Variants in FMO5 observed in about 807,000 individuals in gnomAD.
FMO5 encodes the protein flavin containing dimethylaniline monoxygenase 5.
Under a neutral mutation model 43.6 loss-of-function variants are expected in FMO5, and 51 were observed. That is an observed-to-expected ratio of 1.17 (90% CI 0.93 to 1.48). The LOEUF (loss-of-function observed/expected upper bound fraction) is 1.48. Ranked by LOEUF, FMO5 falls within the 40% of genes most tolerant of loss-of-function variation. The pLI is 0.00. For missense variants in FMO5, 644 were observed against 643.0 expected, an observed-to-expected ratio of 1.00 and a Z score of -0.02; for synonymous variants, 187 against 216.5, an observed-to-expected ratio of 0.86 and a Z score of 1.20.
chr1:147,211,919 C>T (rs1265558271), intron 5 of FMO5, among the ~76,000 whole-genome samples: 2 of 152,086 alleles, frequency 1.3e-5, no homozygotes, highest in Non-Finnish European at 2.9e-5. Context: ...TACTTTTTTC[C>T]ATTTGGGGAG....
Position 147,201,205 on chromosome 1 carries a change from G to C in FMO5, c.1130C>G (p.Ala377Gly). ...TTGGAGCTCTGAAATGGGCATAATG[G>C]CTCCTAAGGGCTGAATCAAGCCTAT... The part of the protein sequence containing the change: ...AIIGLIQPLG[A>G]IMPISELQGR... The change falls in exon 7 of 9, where the codon GCC (alanine) becomes GGC (glycine). Residue 377 changes from alanine (A) to glycine (G), a missense_variant. Ala to Gly is a moderately conservative substitution (Grantham distance 60). Coordinates refer to ENST00000254090, the MANE Select transcript of FMO5 (RefSeq NM_001461.4). 1 of 1,614,134 alleles carries C rather than the reference G, an allele frequency of 6.2e-7. No homozygotes were observed. The highest frequency in any genetic ancestry group is 1.1e-5 in the South Asian group (1 of 91,086).
At position 147,208,880 on chromosome 1, in the gene FMO5, C is replaced by A. The variant is rs140667185; in HGVS notation, c.802G>T (p.Glu268Ter). The change falls in exon 6 of 9, where the codon GAA (glutamate) becomes TAA (stop). Residue 268 changes from glutamate to a stop codon, truncating the protein, a stop_gained. Coordinates refer to ENST00000254090, the MANE Select transcript of FMO5 (RefSeq NM_001461.4). LOFTEE classifies it high-confidence loss of function. Reference protein sequence around the residue: ...EKKINQRFDHEMFGLKPKHRA... With the variant: ...EKKINQRFDH ...TGTTTAGGCTTCAGGCCAAACATTT[C>A]ATGGTCAAACCTTTGGTTTATCTTT... The A allele has an allele frequency of 1.4e-5, 22 of 1,613,984 alleles. No homozygotes were observed. Among genetic ancestry groups the A allele is most frequent in the Non-Finnish European group, 1.8e-5 (21 of 1,179,958 alleles).
intron 2 of FMO5, among the ~76,000 whole-genome samples, chr1:147,222,230 C>T (rs1478298168): frequency 1.3e-5 from 2 of 152,174 alleles, no homozygotes; most frequent in East Asian, 1.9e-4. Flanking sequence ...ATTAGCAAGG[C>T]GTAGTAGTGC....
At chr1:147,220,956 A>AC (rs1662904455) in intron 2 of FMO5, among the ~76,000 whole-genome samples, 1 of 151,830 alleles carries the variant, frequency 6.6e-6, no homozygotes, top group South Asian at 2.1e-4. Context: ...AAAAAAAAAA[A>AC]AAACAGTGGG....
At chr1:147,199,653 T>C (rs992863206) in intron 7 of FMO5, among the ~76,000 whole-genome samples, 2 of 152,218 alleles carry the variant, frequency 1.3e-5, no homozygotes, top group Non-Finnish European at 2.9e-5. Context: ...GCTTATGTAA[T>C]TGACCCAATT....
chr1:147,204,968 A>G, intron 6 of FMO5: 1 of 1,277,762 alleles, frequency 7.8e-7, no homozygotes, highest in Non-Finnish European at 1.1e-6. Context: ...GTGACCGCTC[A>G]GAAGACCGCG....
At chr1:147,202,728 AG>A (rs1659253489) in intron 6 of FMO5, among the ~76,000 whole-genome samples, 1 of 152,184 alleles carries the variant, frequency 6.6e-6, no homozygotes, top group Admixed American at 6.5e-5. Flanking sequence ...TGTTGCATTT[AG>A]TTATGCTTTG....
intron 2 of FMO5, among the ~76,000 whole-genome samples, chr1:147,219,856 T>TTTTTTTG (rs1571410811): frequency 6.6e-6 from 1 of 150,446 alleles, no homozygotes; most frequent in East Asian, 1.9e-4. Flanking sequence ...TTTTTTTTTT[T>TTTTTTTG]GAGACAGAGT....
At chr1:147,214,108 A>T (rs1277598290) in intron 3 of FMO5, among the ~76,000 whole-genome samples, 3 of 152,190 alleles carry the variant, frequency 2.0e-5, no homozygotes, top group Non-Finnish European at 4.4e-5. Context: ...TTAAGGAAAC[A>T]CTATGTGCTT....
At chr1:147,192,230 C>G (rs1450656795) in intron 7 of FMO5, among the ~76,000 whole-genome samples, 3 of 151,976 alleles carry the variant, frequency 2.0e-5, no homozygotes, top group African/African-American at 7.3e-5. Context: ...CCTTCACATC[C>G]CTTGTAAGTT....
chr1:147,191,271 A>G (rs1656736021), intron 7 of FMO5, among the ~76,000 whole-genome samples: 1 of 152,036 alleles, frequency 6.6e-6, no homozygotes, highest in African/African-American at 2.4e-5. Flanking sequence ...TGACTTCCAC[A>G]ATGGTTGAAC....
chr1:147,192,061 A>G (rs1445150111), intron 7 of FMO5, among the ~76,000 whole-genome samples: 6 of 152,054 alleles, frequency 3.9e-5, no homozygotes, highest in Admixed American at 2.6e-4. Flanking sequence ...GTCATTGGTC[A>G]CTTGATGCGG....
chr1:147,204,103 A>T, intron 6 of FMO5: 1 of 1,055,090 alleles, frequency 9.5e-7, no homozygotes, highest in Non-Finnish European at 1.5e-6. Flanking sequence ...TGACTTATGC[A>T]TCCATGAGAT....
At chr1:147,222,247 A>G (rs1663160493) in intron 2 of FMO5, among the ~76,000 whole-genome samples, 2 of 152,168 alleles carry the variant, frequency 1.3e-5, no homozygotes, top group Admixed American at 6.5e-5. Context: ...GTGCGTGTAT[A>G]ATTTCAGCTA....
intron 6 of FMO5, chr1:147,203,805 G>T: frequency 1.3e-6 from 2 of 1,548,658 alleles, no homozygotes; most frequent in South Asian, 2.2e-5. Flanking sequence ...GAGCCCCGAA[G>T]TACTATGGTA....
rs1553917275 is a variant in FMO5, at chr1:147,187,052, C to T, written c.1450G>A (p.Ala484Thr). 5 of 1,614,010 alleles carry T rather than the reference C, an allele frequency of 3.1e-6. No homozygotes were observed. The highest frequency in any genetic ancestry group is 1.3e-5 in the African/African-American group (1 of 74,906). ...TCTGTGGTGAGGATAGCTTTTCGAG[C>T]CCCATCCCACTTTCCAGGGCCCTGT... ...RVQGPGKWDG[A>T]RKAILTTDDR... The change falls in exon 9 of 9, where the codon GCT (alanine) becomes ACT (threonine). Residue 484 changes from alanine to threonine, a missense_variant. Transcript: ENST00000254090.
chr1:147,186,840 T>A lies in FMO5; in HGVS notation c.*60A>T. On this transcript the variant is annotated 3_prime_UTR_variant, in exon 9 of 9. Coordinates refer to ENST00000254090, the MANE Select transcript of FMO5 (RefSeq NM_001461.4). ...GAAACTGAGAGTCAATCTCGTCAGA[T>A]TCTGAAGGCATCTGTAGATAAGCTT... The A allele has an allele frequency of 6.5e-7, 1 of 1,547,112 alleles. No individual in the cohort carries two copies. Among genetic ancestry groups the A allele is most frequent in the Non-Finnish European group, 8.7e-7 (1 of 1,149,492 alleles).
In FMO5 at chr1:147,213,949, G is replaced by C. The variant is rs587771786; in HGVS notation, c.325-479C>G. ...CCTGGTAGGGTAGAAAAACACCTCA[G>C]TGGCTCTCATTTTATATAAATGAAT... On this transcript the variant is annotated intron_variant, in intron 3 of 8. Coordinates refer to ENST00000254090, the MANE Select transcript of FMO5 (RefSeq NM_001461.4). 2.6e-5 allele frequency among the ~76,000 whole-genome samples: 4 copies of C among 152,186 alleles called. No individual in the cohort carries two copies. In the South Asian group the frequency reaches 8.3e-4, roughly 32 times the overall value.
upstream of FMO5, among the ~76,000 whole-genome samples, chr1:147,226,746 C>T (rs1403624904): frequency 6.6e-6 from 1 of 152,108 alleles, no homozygotes; most frequent in African/African-American, 2.4e-5. Context: ...TGAGAGGCAA[C>T]TGATATTTTG....
Sources: gnomAD v4.1 joint callset for allele counts (sites outside exome capture counted in the v4.1 genomes callset) on GRCh38, gnomAD v4.1.1 for gene constraint, MANE v1.5 for transcripts, NCBI Gene and HGNC (gene_info 2026-07-23, HGNC 2026-07-21) for gene names.